TENT4A: variants seen among roughly 807,000 people sequenced by gnomAD.
The protein encoded by TENT4A is DNA polymerase kappa.
A neutral mutation model predicts 72.8 loss-of-function variants in TENT4A; 7 were observed. The observed-to-expected ratio is 0.10, with a 90% CI of 0.05 to 0.18. The LOEUF (loss-of-function observed/expected upper bound fraction) is 0.18, where lower values mean the gene tolerates loss of function less well. Ranked by LOEUF, TENT4A falls within the 10% of genes least tolerant of loss-of-function variation. TENT4A has a pLI of 1.00. For missense variants in TENT4A, 831 were observed against 1,017.7 expected (o/e 0.82, Z 2.50); for synonymous variants, 456 against 434.3 (o/e 1.05, Z -0.62).
Position 6,754,738 on chromosome 5 carries a change from T to A in TENT4A, c.2185-13T>A. 6.4e-7 allele frequency: 1 copy of A among 1,559,514 alleles called. No homozygotes were observed. Among genetic ancestry groups the A allele is most frequent in the Non-Finnish European group, 8.7e-7 (1 of 1,143,592 alleles). ...TGTCTGGCTCCAACACTGCTGTCTCTCTCTTTCTCCAGCAGCACAACGGCA... is the reference window on the plus strand; with the variant it reads ...TGTCTGGCTCCAACACTGCTGTCTCACTCTTTCTCCAGCAGCACAACGGCA... On this transcript the variant is annotated splice_polypyrimidine_tract_variant and intron_variant, in intron 12 of 12. Coordinates refer to ENST00000230859, the MANE Select transcript of TENT4A (RefSeq NM_006999.6).
chr5:6,748,378 T>C, intron 7 of TENT4A, 86 bp from the exon 8 acceptor site: 2 of 1,557,144 alleles, frequency 1.3e-6, no homozygotes, highest in South Asian at 2.3e-5. Context: ...GAGGGCCTGC[T>C]TCAGAGTCAC....
At chr5:6,726,134 C>T (rs1302216744) in intron 1 of TENT4A, among the ~76,000 whole-genome samples, 3 of 152,240 alleles carry the variant, frequency 2.0e-5, no homozygotes, top group Middle Eastern at 3.4e-3. Flanking sequence ...CACTGTTGCA[C>T]CGAACCCTTA....
At chr5:6,734,926 G>A (rs1211539277) in intron 1 of TENT4A, among the ~76,000 whole-genome samples, 1 of 152,232 alleles carries the variant, frequency 6.6e-6, no homozygotes, top group East Asian at 1.9e-4. Context: ...TGCAGCAGGT[G>A]TTATCTCCGT....
rs1416986903 is a variant in TENT4A at position 6,756,344 on chromosome 5, T to C, written c.*1399T>C. On this transcript the variant is annotated 3_prime_UTR_variant, in exon 13 of 13. Coordinates refer to ENST00000230859, the MANE Select transcript of TENT4A (RefSeq NM_006999.6). ...TTGTAGGCCATCTGACTTCCTGTTT[T>C]TAAAACGGGGGTCTGGTCTTGCTAA... 1 of 152,620 alleles carries C rather than the reference T, an allele frequency of 6.6e-6. No individual in the cohort carries two copies. The highest frequency in any genetic ancestry group is 1.5e-5 in the Non-Finnish European group (1 of 68,042). 9.5% of individuals were successfully genotyped at this position (152,620 alleles called of 1,614,324 possible).
chr5:6,742,371 G>A (rs1579484539), intron 4 of TENT4A, 119 bp from the exon 5 acceptor site: 3 of 661,104 alleles, frequency 4.5e-6, no homozygotes, highest in African/African-American at 3.6e-5. Flanking sequence ...AGTGTTCTCT[G>A]ACCCCCTTTC....
In TENT4A at chr5:6,726,389, G is replaced by A. The variant is rs147777056; in HGVS notation, c.717-11121G>A. 6.5e-4 allele frequency among the ~76,000 whole-genome samples: 99 copies of A among 152,272 alleles called. 1 individual carries two copies. Among genetic ancestry groups the A allele is most frequent in the African/African-American group, 2.2e-3 (93 of 41,568 alleles). On this transcript the variant is annotated intron_variant, in intron 1 of 12. Coordinates refer to ENST00000230859, the MANE Select transcript of TENT4A (RefSeq NM_006999.6). Reference sequence around the variant, plus strand: ...CGGGACTGCTGCCTGAGATTTCTAAGTTCCTAATGTGGTTCATGCTTCTGG... The same window carrying A: ...CGGGACTGCTGCCTGAGATTTCTAAATTCCTAATGTGGTTCATGCTTCTGG...
intron 1 of TENT4A, among the ~76,000 whole-genome samples, chr5:6,727,341 C>A (rs963882113): frequency 6.6e-6 from 1 of 152,202 alleles, no homozygotes; most frequent in Admixed American, 6.5e-5. Flanking sequence ...GAGGGCCTGG[C>A]GTCTCAGCAG....
Position 6,743,729 on chromosome 5 carries a change from T to A in TENT4A, c.1134T>A (p.Pro378=). 1 of 1,609,940 alleles carries A rather than the reference T, an allele frequency of 6.2e-7. No homozygotes were observed. Among genetic ancestry groups the A allele is most frequent in the South Asian group, 1.1e-5 (1 of 90,524 alleles). ...KNYMKKYSLL[P]YLILVLKQFL... is the part of the protein sequence containing the mutation. ...ATTTACAGAAATATTCATTGCTGCCTTACTTGATTTTAGTATTGAAACAGT... is the reference window on the plus strand; with the variant it reads ...ATTTACAGAAATATTCATTGCTGCCATACTTGATTTTAGTATTGAAACAGT... Residue 378 remains proline (P), a synonymous_variant, in exon 6 of 13, where the codon CCT becomes CCA. Transcript: ENST00000230859.
At chr5:6,743,572 T>G in intron 5 of TENT4A, 140 bp from the exon 6 acceptor site, 1 of 655,062 alleles carries the variant, frequency 1.5e-6, no homozygotes, top group East Asian at 2.8e-5. Context: ...AACCAAAGTT[T>G]GAGACTTAAT....
At chr5:6,731,611 C>G (rs1040988467) in intron 1 of TENT4A, among the ~76,000 whole-genome samples, 1 of 151,746 alleles carries the variant, frequency 6.6e-6, no homozygotes, top group African/African-American at 2.4e-5. Flanking sequence ...GTAATCACCA[C>G]TCACTGTAGC....
At chr5:6,748,366 G>C in intron 7 of TENT4A, 98 bp from the exon 8 acceptor site, 2 of 1,499,810 alleles carry the variant, frequency 1.3e-6, no homozygotes, top group Non-Finnish European at 1.8e-6. Context: ...AGTTTCAGTG[G>C]TGAGGGCCTG....
chr5:6,752,388 A>C (rs1427289061), intron 11 of TENT4A, among the ~76,000 whole-genome samples: 1 of 152,238 alleles, frequency 6.6e-6, no homozygotes, highest in African/African-American at 2.4e-5. Flanking sequence ...GTCTGAGAAA[A>C]GGGGTTCTCG....
chr5:6,714,845 T>G, intron 1 of TENT4A, 146 bp downstream of exon 1: 1 of 316,638 alleles, frequency 3.2e-6, no homozygotes, highest in Non-Finnish European at 5.4e-6. Flanking sequence ...GCACTGAAAG[T>G]TTTTTTTTTA....
chr5:6,731,241 G>A (rs1741195173), intron 1 of TENT4A, among the ~76,000 whole-genome samples: 2 of 152,308 alleles, frequency 1.3e-5, no homozygotes, highest in African/African-American at 4.8e-5. Flanking sequence ...AGTTGGAGGA[G>A]GAGAGGAAGA....
At chr5:6,737,302 A>G (rs1460289713) in intron 1 of TENT4A, among the ~76,000 whole-genome samples, 1 of 152,256 alleles carries the variant, frequency 6.6e-6, no homozygotes, top group African/African-American at 2.4e-5. Context: ...GATACTTGGT[A>G]TTGACAAAGT....
rs889361827 is a variant in TENT4A, at chr5:6,750,316, T to G, written c.1688-15T>G. On this transcript the variant is annotated splice_polypyrimidine_tract_variant and intron_variant, in intron 9 of 12. Transcript: ENST00000230859. ...GTTCTCAGGAGTTATTAACCAAGGC[T>G]TTTTCCCTCCACAGACAGCAGGATC... 2 of 1,598,328 alleles carry G rather than the reference T, an allele frequency of 1.3e-6. No homozygotes were observed. Among genetic ancestry groups the G allele is most frequent in the African/African-American group, 2.7e-5 (2 of 73,964 alleles).
intron 1 of TENT4A, among the ~76,000 whole-genome samples, chr5:6,730,481 A>G (rs1741154465): frequency 6.6e-6 from 1 of 152,162 alleles, no homozygotes; most frequent in African/African-American, 2.4e-5. Context: ...CTCCTCCTCC[A>G]GGGGAGTGCG....
chr5:6,731,854 C>G (rs1741230230), intron 1 of TENT4A, among the ~76,000 whole-genome samples: 1 of 152,228 alleles, frequency 6.6e-6, no homozygotes, highest in African/African-American at 2.4e-5. Context: ...ATGTCCTAGA[C>G]AAGCCCATAG....
chr5:6,752,116 A>G (rs1168418378), intron 11 of TENT4A, among the ~76,000 whole-genome samples: 4 of 152,224 alleles, frequency 2.6e-5, no homozygotes, highest in African/African-American at 9.6e-5. Context: ...TATGGTCATC[A>G]CAGTGGCCCT....
Sources: gnomAD v4.1 joint callset for allele counts (sites outside exome capture counted in the v4.1 genomes callset) on GRCh38, gnomAD v4.1.1 for gene constraint, MANE v1.5 for transcripts, NCBI Gene and HGNC (gene_info 2026-07-23, HGNC 2026-07-21) for gene names.